The following BMP7 variants were observed in gnomAD, a reference collection of about 807,000 sequenced individuals.
BMP7 encodes the protein bone morphogenetic protein 7, also known as osteogenic protein 1.
In BMP7, 12 loss-of-function variants were observed where a neutral mutation model predicts 41.2. That is an observed-to-expected ratio of 0.29 (90% CI 0.19 to 0.47). The LOEUF (loss-of-function observed/expected upper bound fraction) is 0.47, where lower values mean the gene tolerates loss of function less well. Ranked by LOEUF, BMP7 falls within the 20% of genes least tolerant of loss-of-function variation. The pLI is 0.99. For missense variants in BMP7, 467 were observed against 606.0 expected (o/e 0.77, Z 2.41); for synonymous variants, 248 against 250.0 (o/e 0.99, Z 0.07).
chr20:57,172,652 T>C (rs1169244933), intron 6 of BMP7, among the ~76,000 whole-genome samples: 1 of 152,244 alleles, frequency 6.6e-6, no homozygotes, highest in East Asian at 1.9e-4. Context: ...TGGTTGCTGT[T>C]GGCAGAGCAG....
intron 2 of BMP7, among the ~76,000 whole-genome samples, chr20:57,220,772 C>G (rs1165661375): frequency 1.3e-5 from 2 of 152,158 alleles, no homozygotes; most frequent in Non-Finnish European, 1.5e-5. Flanking sequence ...TAATTACAGG[C>G]AATTTTCACT....
rs759832074 is a variant in BMP7, at chr20:57,171,050, T to C, written c.1205A>G (p.Asn402Ser). The change falls in exon 7 of 7, where the codon AAT (asparagine) becomes AGT (serine). Residue 402 changes from asparagine (N) to serine (S), a missense_variant. Transcript: ENST00000395863. The surrounding 1 kb of genome is among the most constrained non-coding windows in gnomAD (Gnocchi z 4.5). ...ATCGAAGTAGAGGACGGAGATGGCA[T>C]TGAGCTGCGTGGGCGCACAGCAGGG... is the stretch of plus-strand genomic sequence containing the variant. ...PKPCCAPTQL[N>S]AISVLYFDDS... 1.8e-5 allele frequency: 29 copies of C among 1,614,102 alleles called. No individual in the cohort carries two copies. The highest frequency in any genetic ancestry group is 2.5e-5 in the Non-Finnish European group (29 of 1,180,042).
At chr20:57,183,577 AT>A in intron 4 of BMP7, 144 bp downstream of exon 4, 1 of 1,038,040 alleles carries the variant, frequency 9.6e-7, no homozygotes, top group South Asian at 1.4e-5. Context: ...GTAGGGGTGG[AT>A]TTGGGGGTTT....
At position 57,230,762 on chromosome 20, in the gene BMP7, C is replaced by T. The variant is rs142341400; in HGVS notation, c.419-2341G>A. Among the ~76,000 whole-genome samples the T allele has an allele frequency of 2.9e-3, 447 of 151,550 alleles. 2 individuals carry two copies. Among genetic ancestry groups the T allele is most frequent in the Admixed American group, 7.0e-3 (107 of 15,226 alleles). ...CGCGATCTCGGCTTACTACAAGCTC[C>T]GCCTCCCAGGCCCACACCATTCTCC... is the stretch of plus-strand genomic sequence containing the variant. On this transcript the variant is annotated intron_variant, in intron 1 of 6. Coordinates refer to ENST00000395863, the MANE Select transcript of BMP7 (RefSeq NM_001719.3).
intron 4 of BMP7, among the ~76,000 whole-genome samples, chr20:57,178,228 A>G (rs539108712): frequency 1.2e-4 from 19 of 152,320 alleles, no homozygotes; most frequent in African/African-American, 4.1e-4. Flanking sequence ...GGCGCCCTCC[A>G]TGTCTGAGGC....
intron 3 of BMP7, among the ~76,000 whole-genome samples, chr20:57,194,026 C>A (rs1984436757): frequency 6.6e-6 from 1 of 152,218 alleles, no homozygotes; most frequent in East Asian, 1.9e-4. Context: ...ATGAACGCTG[C>A]ACATTAGACC....
intron 3 of BMP7, among the ~76,000 whole-genome samples, chr20:57,196,227 C>T (rs1984487950): frequency 6.6e-6 from 1 of 152,210 alleles, no homozygotes; most frequent in Non-Finnish European, 1.5e-5. Flanking sequence ...GTCTTCATCT[C>T]TCTGCAGCAG....
intron 3 of BMP7, among the ~76,000 whole-genome samples, chr20:57,184,464 A>C (rs959407571): frequency 6.6e-6 from 1 of 152,102 alleles, no homozygotes; most frequent in Non-Finnish European, 1.5e-5. Flanking sequence ...CGGAGGCAGG[A>C]GCAAGGAGGG....
At chr20:57,235,102 A>G (rs1244984492) in intron 1 of BMP7, among the ~76,000 whole-genome samples, 1 of 152,204 alleles carries the variant, frequency 6.6e-6, no homozygotes, top group Admixed American at 6.5e-5. Context: ...CTCTGCCTCC[A>G]TGAGACCTGA....
chr20:57,218,725 T>C (rs545902654), intron 2 of BMP7, among the ~76,000 whole-genome samples: 24 of 150,040 alleles, frequency 1.6e-4, no homozygotes, highest in African/African-American at 5.4e-4. Context: ...TGGTAGCTGG[T>C]GTTTGTTCGG....
chr20:57,254,017 C>CTTTTTTTTTTTTTTTTTTT (rs35180643), intron 1 of BMP7, among the ~76,000 whole-genome samples: 1 of 71,532 alleles, frequency 1.4e-5, no homozygotes. Flanking sequence ...GGTTTCTTTC[C>CTTTTTTTTTTTTTTTTTTT]TTTTTTTTTT....
intron 2 of BMP7, among the ~76,000 whole-genome samples, chr20:57,226,908 C>A (rs935503573): frequency 6.8e-6 from 1 of 148,132 alleles, no homozygotes; most frequent in Non-Finnish European, 1.5e-5. Context: ...CTCACTGCAA[C>A]CTTCTCCTCC....
At chr20:57,205,741 C>T (rs531881981) in intron 2 of BMP7, among the ~76,000 whole-genome samples, 14 of 152,182 alleles carry the variant, frequency 9.2e-5, no homozygotes, top group South Asian at 2.1e-4. Context: ...AAACAGAGAA[C>T]GCCTCGCCAA....
rs544909788 is a variant in BMP7, at chr20:57,198,602, C to T, written c.760+3873G>A. On this transcript the variant is annotated intron_variant, in intron 3 of 6. Transcript: ENST00000395863. Reference sequence around the variant, plus strand: ...TGCGGCTGCTCCGCATGGTGACTCACAGGAGGGCCCAGCTGGGAGGAAGAG... The same window carrying T: ...TGCGGCTGCTCCGCATGGTGACTCATAGGAGGGCCCAGCTGGGAGGAAGAG... Among the ~76,000 whole-genome samples, 251 of 152,272 alleles carry T rather than the reference C, an allele frequency of 1.6e-3. 1 individual carries two copies. Among genetic ancestry groups the T allele is most frequent in the Middle Eastern group, 3.4e-3 (1 of 294 alleles).
At chr20:57,208,701 C>T (rs533483156) in intron 2 of BMP7, among the ~76,000 whole-genome samples, 1 of 152,158 alleles carries the variant, frequency 6.6e-6, no homozygotes, top group East Asian at 1.9e-4. Flanking sequence ...AACTCATGAA[C>T]AGATAAACAA....
intron 2 of BMP7, among the ~76,000 whole-genome samples, chr20:57,221,901 T>C (rs902138038): frequency 1.3e-5 from 2 of 151,672 alleles, no homozygotes; most frequent in Non-Finnish European, 2.9e-5. Context: ...AGAGCCCCCA[T>C]TGCATGCAAT....
At chr20:57,241,136 A>G (rs2066067378) in intron 1 of BMP7, among the ~76,000 whole-genome samples, 1 of 152,066 alleles carries the variant, frequency 6.6e-6, no homozygotes, top group South Asian at 2.1e-4. Flanking sequence ...GCTGATCTGA[A>G]TCTTTAAAGG....
intron 4 of BMP7, among the ~76,000 whole-genome samples, chr20:57,175,917 C>T (rs1160704505): frequency 1.3e-5 from 2 of 152,198 alleles, no homozygotes; most frequent in Non-Finnish European, 2.9e-5. Flanking sequence ...TGTGCCGTTT[C>T]CTCCACCTGC....
chr20:57,181,553 T>A (rs1285422536), intron 4 of BMP7, among the ~76,000 whole-genome samples: 4 of 151,586 alleles, frequency 2.6e-5, no homozygotes, highest in African/African-American at 9.7e-5. Flanking sequence ...CCAACAAAGA[T>A]GTATTCTTTC....
Sources: allele counts gnomAD v4.1 joint callset (sites outside exome capture counted in the v4.1 genomes callset), GRCh38; gene constraint gnomAD v4.1.1; non-coding constraint Gnocchi (gnomAD v3.1); transcripts MANE v1.5; gene names NCBI Gene and HGNC (gene_info 2026-07-23, HGNC 2026-07-21).